PTK2: variants seen among roughly 807,000 people sequenced by gnomAD.
PTK2 encodes the protein protein tyrosine kinase 2, also known as focal adhesion kinase 1.
A neutral mutation model predicts 150.1 loss-of-function variants in PTK2; 45 were observed. The observed-to-expected ratio is 0.30, with a 90% CI of 0.24 to 0.38. The LOEUF is 0.38. Among genes scored for constraint, PTK2 ranks in the 10% least tolerant of loss-of-function variants. PTK2 has a pLI of 1.00. For missense variants in PTK2, 919 were observed against 1,307.3 expected, an observed-to-expected ratio of 0.70 and a Z score of 4.58; for synonymous variants, 432 against 449.2, an observed-to-expected ratio of 0.96 and a Z score of 0.48.
At chr8:140,970,749 C>A (rs1349523069) in intron 1 of PTK2, among the ~76,000 whole-genome samples, 3 of 152,194 alleles carry the variant, frequency 2.0e-5, no homozygotes, top group African/African-American at 7.2e-5. Flanking sequence ...AATCTGATTG[C>A]AGATGAAGTC....
chr8:140,724,867 A>G (rs1461135479), intron 22 of PTK2, among the ~76,000 whole-genome samples: 1 of 152,248 alleles, frequency 6.6e-6, no homozygotes, highest in Non-Finnish European at 1.5e-5. Context: ...ACCTGGAAGT[A>G]GCTGACCTAG....
At chr8:140,932,862 C>CTATT (rs2100172353) in intron 1 of PTK2, among the ~76,000 whole-genome samples, 1 of 150,024 alleles carries the variant, frequency 6.7e-6, no homozygotes, top group Non-Finnish European at 1.5e-5. Context: ...CTTCCTTCCC[C>CTATT]TTTTTTTGAG....
chr8:140,798,213 T>TA (rs1158008169), intron 12 of PTK2, among the ~76,000 whole-genome samples: 4 of 152,166 alleles, frequency 2.6e-5, no homozygotes, highest in Non-Finnish European at 4.4e-5. Flanking sequence ...TTTGAACTCT[T>TA]AAAAAATCTC....
chr8:140,724,950 G>A (rs1298230406), intron 22 of PTK2, among the ~76,000 whole-genome samples: 5 of 152,196 alleles, frequency 3.3e-5, no homozygotes, highest in African/African-American at 1.2e-4. Context: ...AAGCAGTGAT[G>A]CTGGAGATTA....
At chr8:140,755,042 C>G (rs1210136155) in intron 16 of PTK2, among the ~76,000 whole-genome samples, 1 of 152,070 alleles carries the variant, frequency 6.6e-6, no homozygotes, top group Non-Finnish European at 1.5e-5. Flanking sequence ...TATGCCTAGA[C>G]AAGGGATGCA....
chr8:140,855,366 C>G (rs4961298), intron 5 of PTK2, among the ~76,000 whole-genome samples: 27 of 151,720 alleles, frequency 1.8e-4, no homozygotes, highest in Admixed American at 1.5e-3. Flanking sequence ...GAGGCCGAGG[C>G]GGGTGGATCA....
rs1601055519 is a variant in PTK2, at chr8:140,892,230, C to G, written c.-32-1461G>C. Among the ~76,000 whole-genome samples the G allele has an allele frequency of 9.2e-5, 14 of 151,878 alleles. 1 individual carries two copies. The highest frequency in any genetic ancestry group is 9.2e-4 in the Admixed American group (14 of 15,244). ...CAAAACAAACAAACGAACAAACACA[C>G]ACACACACAAAACCACAGATCCAGC... On this transcript the variant is annotated intron_variant, in intron 2 of 31. Transcript: ENST00000522684.
chr8:140,868,223 T>C (rs1413851742), intron 4 of PTK2, among the ~76,000 whole-genome samples: 1 of 152,164 alleles, frequency 6.6e-6, no homozygotes, highest in African/African-American at 2.4e-5. Flanking sequence ...GTCCTGATAC[T>C]GAGAAGGGTT....
At chr8:140,869,202 G>T (rs559433605) in intron 4 of PTK2, among the ~76,000 whole-genome samples, 2 of 135,226 alleles carry the variant, frequency 1.5e-5, no homozygotes, top group Admixed American at 1.8e-4. Flanking sequence ...AGACCCACTT[G>T]AAACTAATTT....
In PTK2 at chr8:140,819,140, C is replaced by A. The variant is rs2100106649; in HGVS notation, c.649-120G>T. Reference sequence around the variant, plus strand: ...CTAACACCTACATTCAAATTACTGCCAAAAAGTATACTTGTCAAATAACTA... The same window carrying A: ...CTAACACCTACATTCAAATTACTGCAAAAAAGTATACTTGTCAAATAACTA... On this transcript the variant is annotated intron_variant, in intron 8 of 31. Transcript: ENST00000522684. 19 of 957,834 alleles carry A rather than the reference C, an allele frequency of 2.0e-5. No individual in the cohort carries two copies. In the South Asian group the frequency reaches 3.4e-4, roughly 17 times the overall value. 59.3% of individuals were successfully genotyped at this position (957,834 alleles called of 1,614,324 possible).
intron 1 of PTK2, among the ~76,000 whole-genome samples, chr8:140,975,115 T>C (rs1046705021): frequency 6.6e-6 from 1 of 152,198 alleles, no homozygotes; most frequent in Non-Finnish European, 1.5e-5. Context: ...TATTATTAAA[T>C]AGACTGTATG....
At chr8:140,659,362 T>C in exon 32 of PTK2, 1 of 962,244 alleles carries the variant, frequency 1.0e-6, no homozygotes, top group Non-Finnish European at 1.5e-6. Context: ...AAGTTGGAGC[T>C]GTAAGTGCTG....
At chr8:140,743,863 C>T (rs62524099) in intron 19 of PTK2, among the ~76,000 whole-genome samples, 42,809 of 150,926 alleles carry the variant, frequency 0.28, 6,782 homozygotes, top group Admixed American at 0.39. Context: ...CTGCAAGCTC[C>T]GCCTCCTGGG....
chr8:140,776,686 A>C (rs2100078637), intron 14 of PTK2, among the ~76,000 whole-genome samples: 1 of 152,218 alleles, frequency 6.6e-6, no homozygotes. Context: ...TTTTGAGTAT[A>C]TTAAGTCTGA....
chr8:140,911,046 A>T (rs2100162940), intron 2 of PTK2, among the ~76,000 whole-genome samples: 1 of 143,456 alleles, frequency 7.0e-6, no homozygotes, highest in African/African-American at 2.6e-5. Context: ...GCCCAGCTAA[A>T]TTTTTTTTTT....
chr8:140,856,975 T>A (rs984762489), intron 5 of PTK2, among the ~76,000 whole-genome samples: 1 of 152,210 alleles, frequency 6.6e-6, no homozygotes, highest in African/African-American at 2.4e-5. Flanking sequence ...GTGGTGGGTA[T>A]GCTGGTGTTC....
chr8:140,886,717 CTTGA>C (rs1388175531), intron 3 of PTK2, among the ~76,000 whole-genome samples: 18 of 152,256 alleles, frequency 1.2e-4, no homozygotes, highest in Middle Eastern at 3.4e-3. Context: ...TTCACATTAT[CTTGA>C]TTAATAATTT....
At chr8:140,887,941 G>A (rs2100152923) in intron 3 of PTK2, among the ~76,000 whole-genome samples, 1 of 152,148 alleles carries the variant, frequency 6.6e-6, no homozygotes, top group Admixed American at 6.5e-5. Context: ...TAGCTATAAT[G>A]AGTTTAAGAC....
At chr8:140,978,261 G>A (rs1361159906) in intron 1 of PTK2, among the ~76,000 whole-genome samples, 60 of 144,042 alleles carry the variant, frequency 4.2e-4, no homozygotes, top group South Asian at 1.6e-3. Flanking sequence ...AGACAAATGG[G>A]ATCTAATTAA....
Sources: gnomAD v4.1 joint callset for allele counts (sites outside exome capture counted in the v4.1 genomes callset) on GRCh38, gnomAD v4.1.1 for gene constraint, MANE v1.5 for transcripts, NCBI Gene and HGNC (gene_info 2026-07-23, HGNC 2026-07-21) for gene names.